ATRNL1: variants seen among roughly 807,000 people sequenced by gnomAD.
ATRNL1 encodes the protein attractin-like protein 1.
ATRNL1 carries 95 observed loss-of-function variants against 182.7 expected under a neutral mutation model. The ratio of observed to expected loss-of-function variants is 0.52; its 90% CI spans 0.44 to 0.62. ATRNL1 has a LOEUF of 0.62. Among genes scored for constraint, ATRNL1 ranks in the 20% least tolerant of loss-of-function variants. ATRNL1 has a pLI of 0.00. For synonymous variants in ATRNL1, 576 were observed against 568.3 expected, an observed-to-expected ratio of 1.01 and a Z score of -0.19; for missense variants, 1,471 against 1,679.5, an observed-to-expected ratio of 0.88 and a Z score of 2.17.
intron 6 of ATRNL1, 32 bp from the exon 7 acceptor site, chr10:115,165,526 C>A: frequency 1.6e-6 from 2 of 1,259,440 alleles, no homozygotes; most frequent in Non-Finnish European, 2.2e-6. Flanking sequence ...TGAATCTTAG[C>A]TTATGAAGTT....
intron 26 of ATRNL1, among the ~76,000 whole-genome samples, chr10:115,666,303 A>G (rs181593960): frequency 3.3e-5 from 5 of 152,226 alleles, no homozygotes; most frequent in Admixed American, 2.6e-4. Flanking sequence ...TTTATATTCA[A>G]TTCATTGTGT....
chr10:115,332,663 A>C (rs1855283447), intron 18 of ATRNL1, among the ~76,000 whole-genome samples: 1 of 152,092 alleles, frequency 6.6e-6, no homozygotes, highest in African/African-American at 2.4e-5. Flanking sequence ...ATAGACTTGC[A>C]CCTCTAAGAA....
chr10:115,891,105 TAA>T (rs11299359), intron 28 of ATRNL1, among the ~76,000 whole-genome samples: 3 of 150,240 alleles, frequency 2.0e-5, no homozygotes, highest in African/African-American at 7.3e-5. Flanking sequence ...TTCCCCAGGT[TAA>T]AAAAAAAATC....
intron 24 of ATRNL1, among the ~76,000 whole-genome samples, chr10:115,512,536 A>G (rs1345967860): frequency 2.6e-5 from 4 of 151,258 alleles, no homozygotes; most frequent in African/African-American, 9.7e-5. Flanking sequence ...TCTAAATTAC[A>G]TTCATTTATT....
At chr10:115,425,780 A>G (rs1490470791) in intron 20 of ATRNL1, among the ~76,000 whole-genome samples, 2 of 151,998 alleles carry the variant, frequency 1.3e-5, no homozygotes, top group African/African-American at 4.8e-5. Context: ...TGGTGTAGAA[A>G]CTGGTGTAGA....
intron 26 of ATRNL1, among the ~76,000 whole-genome samples, chr10:115,577,948 T>TA (rs1286499344): frequency 6.6e-6 from 1 of 151,488 alleles, no homozygotes; most frequent in East Asian, 1.9e-4. Flanking sequence ...TCTTTAATAT[T>TA]AAAAAAAATC....
In ATRNL1 at chr10:115,852,523, G is replaced by A. The variant is rs1004656575; in HGVS notation, c.4018+4532G>A. Among the ~76,000 whole-genome samples the A allele has an allele frequency of 3.3e-5, 5 of 152,184 alleles. No individual in the cohort carries two copies. In the East Asian group the frequency reaches 9.7e-4, roughly 30 times the overall value. ...GGTGTGACCCTCTTAATGATTCTGT[G>A]GAGATGATTATCCCACTTTTACTAT... On this transcript the variant is annotated intron_variant, in intron 28 of 28. Coordinates refer to ENST00000355044, the MANE Select transcript of ATRNL1 (RefSeq NM_207303.4).
chr10:115,321,099 T>G (rs191184423), intron 18 of ATRNL1, among the ~76,000 whole-genome samples: 102 of 152,238 alleles, frequency 6.7e-4, no homozygotes, highest in African/African-American at 1.9e-3. Context: ...GGGCCTTTTT[T>G]TTGTTGTTGT....
intron 5 of ATRNL1, among the ~76,000 whole-genome samples, chr10:115,147,250 T>C (rs1846014600): frequency 2.0e-5 from 3 of 152,204 alleles, no homozygotes. Context: ...TTCATGTACC[T>C]GTTGGCCATT....
At chr10:115,744,004 A>AT (rs78787749) in intron 27 of ATRNL1, among the ~76,000 whole-genome samples, 144,520 of 152,068 alleles carry the variant, frequency 0.95, 69,081 homozygotes, top group East Asian at 1. Context: ...ACATGAATAA[A>AT]TGTGAGTAAA....
chr10:115,126,757 C>G (rs7906377), intron 3 of ATRNL1, among the ~76,000 whole-genome samples: 1 of 152,010 alleles, frequency 6.6e-6, no homozygotes, highest in Non-Finnish European at 1.5e-5. Flanking sequence ...AGGAATTGAC[C>G]GTGTCGAGTT....
At chr10:115,877,329 A>T (rs1555107498) in intron 28 of ATRNL1, among the ~76,000 whole-genome samples, 2 of 152,196 alleles carry the variant, frequency 1.3e-5, no homozygotes, top group Admixed American at 6.5e-5. Context: ...AAAGCTACCC[A>T]TATAGCCTTA....
At chr10:115,254,800 A>G (rs1261512900) in intron 10 of ATRNL1, among the ~76,000 whole-genome samples, 2 of 152,074 alleles carry the variant, frequency 1.3e-5, no homozygotes, top group African/African-American at 4.8e-5. Flanking sequence ...TCCATCTTGA[A>G]TTAATTTTTG....
intron 18 of ATRNL1, 93 bp downstream of exon 18, chr10:115,315,829 G>A (rs2134015582): frequency 7.1e-6 from 7 of 983,440 alleles, no homozygotes; most frequent in South Asian, 1.7e-5. Flanking sequence ...TTAGCTTTAG[G>A]AAAAAAGCAG....
At chr10:115,159,537 T>A (rs1422741343) in intron 5 of ATRNL1, among the ~76,000 whole-genome samples, 1 of 151,672 alleles carries the variant, frequency 6.6e-6, no homozygotes, top group African/African-American at 2.4e-5. Flanking sequence ...AAATGTAATC[T>A]TTTTTATGTT....
At chr10:115,613,347 T>A (rs1013959705) in intron 26 of ATRNL1, among the ~76,000 whole-genome samples, 1 of 152,198 alleles carries the variant, frequency 6.6e-6, no homozygotes. Context: ...TTGCACATGT[T>A]GAAACACCCC....
intron 8 of ATRNL1, among the ~76,000 whole-genome samples, chr10:115,176,983 A>G (rs114665152): frequency 0.012 from 1,784 of 152,200 alleles, 34 homozygotes; most frequent in African/African-American, 0.04. Context: ...AAGAGACTAG[A>G]TCAGATCACT....
intron 8 of ATRNL1, among the ~76,000 whole-genome samples, chr10:115,201,158 A>C (rs1225044844): frequency 6.7e-6 from 1 of 150,226 alleles, no homozygotes; most frequent in Admixed American, 6.6e-5. Context: ...AGGTTGTGAA[A>C]ATTTTCTCCC....
chr10:115,109,997 C>G (rs1346056870), intron 1 of ATRNL1, among the ~76,000 whole-genome samples: 1 of 152,034 alleles, frequency 6.6e-6, no homozygotes, highest in Non-Finnish European at 1.5e-5. Flanking sequence ...TCTAGGGTAT[C>G]TTATATAGTC....
Sources: gnomAD v4.1 joint callset for allele counts (sites outside exome capture counted in the v4.1 genomes callset) on GRCh38, gnomAD v4.1.1 for gene constraint, MANE v1.5 for transcripts, NCBI Gene and HGNC (gene_info 2026-07-23, HGNC 2026-07-21) for gene names.